ANXA6: variants seen among roughly 807,000 people sequenced by gnomAD.
ANXA6 encodes 67 kDa calelectrin.
ANXA6 carries 71 observed loss-of-function variants against 95.4 expected under a neutral mutation model. The ratio of observed to expected loss-of-function variants is 0.74; its 90% CI spans 0.61 to 0.91. ANXA6 has a LOEUF of 0.91. Among genes scored for constraint, ANXA6 ranks in the 40% least tolerant of loss-of-function variants. The pLI is 0.00. For missense variants in ANXA6, 830 were observed against 876.4 expected (o/e 0.95, Z 0.67); for synonymous variants, 289 against 315.9 (o/e 0.91, Z 0.90).
chr5:151,122,311 T>A, intron 16 of ANXA6, 51 bp from the exon 17 acceptor site: 1 of 1,051,538 alleles, frequency 9.5e-7, no homozygotes, highest in Non-Finnish European at 1.4e-6. Context: ...TGCCCACACA[T>A]GACTCAGGAT....
At chr5:151,126,195 T>C (rs1446254097) in intron 14 of ANXA6, among the ~76,000 whole-genome samples, 1 of 152,156 alleles carries the variant, frequency 6.6e-6, no homozygotes, top group Non-Finnish European at 1.5e-5. Context: ...GCCAGAACCC[T>C]TTCCAGCGTG....
chr5:151,156,662 G>A (rs1239292694), intron 1 of ANXA6, among the ~76,000 whole-genome samples: 1 of 152,094 alleles, frequency 6.6e-6, no homozygotes, highest in Non-Finnish European at 1.5e-5. Context: ...CTAGAATCTA[G>A]GGAAAGGAAG....
At chr5:151,121,260 A>G (rs761333968) in intron 17 of ANXA6, among the ~76,000 whole-genome samples, 1 of 152,228 alleles carries the variant, frequency 6.6e-6, no homozygotes, top group Admixed American at 6.5e-5. Context: ...GACCATGACC[A>G]AGCAACTTAA....
intron 2 of ANXA6, among the ~76,000 whole-genome samples, chr5:151,146,619 T>C (rs1765982224): frequency 6.6e-6 from 1 of 152,162 alleles, no homozygotes; most frequent in East Asian, 1.9e-4. Context: ...GTCTGTGCAT[T>C]CTGTGGCCAG....
Position 151,126,410 on chromosome 5 carries a change from G to C in ANXA6, c.1048C>G (p.Arg350Gly), listed in dbSNP as rs775635638. The change falls in exon 14 of 26, where the codon CGA (arginine) becomes GGA (glycine). Residue 350 changes from arginine (R) to glycine (G), a missense_variant. Physicochemically the swap from Arg to Gly is moderately radical, Grantham distance 125. Coordinates refer to ENST00000354546, the MANE Select transcript of ANXA6 (RefSeq NM_001155.5). ...GGAGGGGAAGGTCTGACCTCTACTC[G>C]GGCCACTGCACTAAGTTCCCACATC... is the stretch of plus-strand genomic sequence containing the variant. ...YQMWELSAVA[R>G]VELKGTVRPA... 2.5e-6 allele frequency: 4 copies of C among 1,608,930 alleles called. No individual in the cohort carries two copies. Among genetic ancestry groups the C allele is most frequent in the Non-Finnish European group, 3.4e-6 (4 of 1,177,728 alleles).
At chr5:151,148,005 T>G in intron 1 of ANXA6, 79 bp from the exon 2 acceptor site, 1 of 1,403,854 alleles carries the variant, frequency 7.1e-7, no homozygotes, top group Non-Finnish European at 9.9e-7. Context: ...TTCCTCCCTC[T>G]GCTGTTTTCC....
At chr5:151,130,456 T>G (rs574759796) in intron 11 of ANXA6, among the ~76,000 whole-genome samples, 1 of 152,220 alleles carries the variant, frequency 6.6e-6, no homozygotes, top group Non-Finnish European at 1.5e-5. Context: ...GGTCTTACTA[T>G]GTTGCCCAGG....
chr5:151,125,800 G>C (rs1765299199), intron 14 of ANXA6, among the ~76,000 whole-genome samples: 1 of 152,146 alleles, frequency 6.6e-6, no homozygotes, highest in South Asian at 2.1e-4. Context: ...AGAGCCCTAA[G>C]AGATCACCGA....
intron 10 of ANXA6, among the ~76,000 whole-genome samples, chr5:151,131,806 C>A (rs1404195236): frequency 6.6e-6 from 1 of 152,128 alleles, no homozygotes; most frequent in Admixed American, 6.5e-5. Context: ...CTCAGACATG[C>A]TAACTGCTGG....
chr5:151,122,317 A>C, intron 16 of ANXA6, 57 bp from the exon 17 acceptor site: 22 of 981,672 alleles, frequency 2.2e-5, no homozygotes, highest in Non-Finnish European at 3.2e-5. Context: ...CACATGACTC[A>C]GGATGGGAGA....
intron 25 of ANXA6, 64 bp from the exon 26 acceptor site, chr5:151,101,571 C>T (rs1008994490): frequency 1.5e-5 from 21 of 1,422,800 alleles, no homozygotes; most frequent in East Asian, 5.0e-5. Context: ...CCCCTCCTCC[C>T]GGCTGCCCAT....
rs373596698 is a variant in ANXA6, at chr5:151,149,003, G to A, written c.-25-1077C>T. Reference sequence around the variant, plus strand: ...CAGCCTAGGTAACATAGTGAGACCCGATCTCTATTAAAAAAAAATAAAAAA... The same window carrying A: ...CAGCCTAGGTAACATAGTGAGACCCAATCTCTATTAAAAAAAAATAAAAAA... On this transcript the variant is annotated intron_variant, in intron 1 of 25. Transcript: ENST00000354546. Among the ~76,000 whole-genome samples, 469 of 117,572 alleles carry A rather than the reference G, an allele frequency of 4.0e-3. 1 individual carries two copies. Among genetic ancestry groups the A allele is most frequent in the African/African-American group, 0.015 (446 of 29,880 alleles). 77.1% of individuals were successfully genotyped at this position (117,572 alleles called of 152,430 possible).
intron 24 of ANXA6, among the ~76,000 whole-genome samples, chr5:151,104,358 C>T (rs1354543258): frequency 6.6e-6 from 1 of 152,238 alleles, no homozygotes; most frequent in Non-Finnish European, 1.5e-5. Flanking sequence ...TGTGGGCAGC[C>T]AGAGCTGCCT....
chr5:151,119,226 G>A, intron 18 of ANXA6, 74 bp downstream of exon 18: 2 of 1,248,614 alleles, frequency 1.6e-6, no homozygotes, highest in Non-Finnish European at 2.4e-6. Flanking sequence ...CCTGGGCAGA[G>A]CTGTGGGCTG....
rs1184127866 is a variant in ANXA6, at chr5:151,109,759, G to A, written c.1678C>T (p.Arg560Trp). The change falls in exon 22 of 26, where the codon CGG (arginine) becomes TGG (tryptophan). Residue 560 changes from arginine to tryptophan, a missense_variant. By Grantham distance (101) the Arg-to-Trp change is moderately radical. Transcript: ENST00000354546. ...GGAGGAGGTCAGGCCTCACCTCTCCGGAGGTGCGGATAGCTCCGGGTACAC... is the reference window on the plus strand; with the variant it reads ...GGAGGAGGTCAGGCCTCACCTCTCCAGAGGTGCGGATAGCTCCGGGTACAC... ...ILCTRSYPHL[R>W]RVFQEFIKMT... The A allele has an allele frequency of 7.5e-6, 12 of 1,608,024 alleles. No individual in the cohort carries two copies. Among genetic ancestry groups the A allele is most frequent in the Middle Eastern group, 1.7e-4 (1 of 5,968 alleles).
intron 23 of ANXA6, among the ~76,000 whole-genome samples, chr5:151,107,910 C>A (rs928707761): frequency 1.3e-5 from 2 of 151,776 alleles, no homozygotes; most frequent in Admixed American, 1.3e-4. Context: ...ATGTGTGCTG[C>A]GTATATGTGG....
chr5:151,115,915 C>A (rs1397288659), intron 20 of ANXA6, among the ~76,000 whole-genome samples: 1 of 152,238 alleles, frequency 6.6e-6, no homozygotes, highest in Admixed American at 6.5e-5. Context: ...TGGAATTAAG[C>A]ATAGACTCTG....
Position 151,113,642 on chromosome 5 carries a change from T to TA in ANXA6, c.1573-2999dup, listed in dbSNP as rs537488398. Reference sequence around the variant, plus strand: ...CTTTAAGATAATAATATCTGTAATGTAAAAAAAAAGTGGTGGGACACTAAA... The same window carrying TA: ...CTTTAAGATAATAATATCTGTAATGTAAAAAAAAAAGTGGTGGGACACTAAA... On this transcript the variant is annotated intron_variant, in intron 20 of 25. Transcript: ENST00000354546. Among the ~76,000 whole-genome samples, 10 of 151,036 alleles carry TA rather than the reference T, an allele frequency of 6.6e-5. No homozygotes were observed. The Middle Eastern group carries it at 0.01, about 154-fold the overall frequency.
At chr5:151,130,512 C>T (rs758170010) in intron 11 of ANXA6, among the ~76,000 whole-genome samples, 28 of 152,240 alleles carry the variant, frequency 1.8e-4, no homozygotes, top group Non-Finnish European at 4.0e-4. Context: ...ACTTTGGCCT[C>T]CCAGAGTGCT....
Sources: gnomAD v4.1 joint callset for allele counts (sites outside exome capture counted in the v4.1 genomes callset) on GRCh38, gnomAD v4.1.1 for gene constraint, MANE v1.5 for transcripts, NCBI Gene and HGNC (gene_info 2026-07-23, HGNC 2026-07-21) for gene names.